The following ARB2A variants were observed in gnomAD, a reference collection of about 807,000 sequenced individuals.
ARB2A encodes the protein ARB2 cotranscriptional regulator A, also known as cotranscriptional regulator ARB2A.
the ARB2A span, among the ~76,000 whole-genome samples, chr5:93,786,426 CATT>C: frequency 6.6e-6 from 1 of 152,330 alleles, no homozygotes; most frequent in East Asian, 1.9e-4. Context: ...CACACTGTCA[CATT>C]ATAATCCAAT....
chr5:93,828,255 T>C, the ARB2A span, among the ~76,000 whole-genome samples: 1 of 152,220 alleles, frequency 6.6e-6, no homozygotes, highest in Non-Finnish European at 1.5e-5. Flanking sequence ...GTTTGTATCC[T>C]CTTTCATTTC....
chr5:93,724,013 G>A, the ARB2A span, among the ~76,000 whole-genome samples: 5 of 152,084 alleles, frequency 3.3e-5, no homozygotes, highest in Non-Finnish European at 5.9e-5. Flanking sequence ...ATAGCTTCAC[G>A]TATAAGAATT....
At chr5:93,987,683 C>A in the ARB2A span, among the ~76,000 whole-genome samples, 1 of 152,074 alleles carries the variant, frequency 6.6e-6, no homozygotes, top group Non-Finnish European at 1.5e-5. Context: ...ACTCTATATC[C>A]CCAGCTGTCC....
the ARB2A span, among the ~76,000 whole-genome samples, chr5:93,987,662 C>T: frequency 6.6e-6 from 1 of 152,150 alleles, no homozygotes; most frequent in East Asian, 1.9e-4. Context: ...ATTAGCATCC[C>T]CTAAGGTGTT....
chr5:93,948,702 G>A, the ARB2A span, among the ~76,000 whole-genome samples: 2 of 152,138 alleles, frequency 1.3e-5, no homozygotes, highest in Non-Finnish European at 2.9e-5. Context: ...TGTAAGGAAC[G>A]GGTCCAGTTT....
At chr5:94,049,813 C>A in the ARB2A span, among the ~76,000 whole-genome samples, 2 of 152,070 alleles carry the variant, frequency 1.3e-5, no homozygotes, top group South Asian at 4.2e-4. Flanking sequence ...AGAGCGAGAC[C>A]CTGTCTCAAA....
At chr5:93,698,008 G>T in the ARB2A span, among the ~76,000 whole-genome samples, 6 of 152,036 alleles carry the variant, frequency 3.9e-5, no homozygotes, top group Non-Finnish European at 1.5e-5. Flanking sequence ...TTAAAAAAAT[G>T]CAATACAGTC....
the ARB2A span, among the ~76,000 whole-genome samples, chr5:93,629,998 T>C: frequency 6.6e-6 from 1 of 152,158 alleles, no homozygotes; most frequent in Non-Finnish European, 1.5e-5. Context: ...CCATTGGGAT[T>C]AACTAATGAA....
At chr5:93,854,306 C>T in the ARB2A span, among the ~76,000 whole-genome samples, 38 of 152,072 alleles carry the variant, frequency 2.5e-4, no homozygotes, top group Non-Finnish European at 4.9e-4. Context: ...TGGTGGCATC[C>T]CCTTTATCAT....
the ARB2A span, among the ~76,000 whole-genome samples, chr5:93,993,130 T>C: frequency 6.6e-6 from 1 of 152,132 alleles, no homozygotes; most frequent in Non-Finnish European, 1.5e-5. Flanking sequence ...TGCCATTTTA[T>C]ATCATAGTAT....
chr5:93,714,250 TAGTATTATATGTG>T, the ARB2A span, among the ~76,000 whole-genome samples: 1 of 152,216 alleles, frequency 6.6e-6, no homozygotes, highest in Non-Finnish European at 1.5e-5. Flanking sequence ...ATTTATCCCA[TAGTATTATATGTG>T]GCTACTAAAT....
chr5:93,845,933 T>G, the ARB2A span, among the ~76,000 whole-genome samples: 9 of 152,136 alleles, frequency 5.9e-5, 1 homozygote, highest in Admixed American at 2.6e-4. Context: ...AATTAATGAT[T>G]AATTTAGCAA....
chr5:93,675,585 G>A, the ARB2A span, among the ~76,000 whole-genome samples: 1 of 152,190 alleles, frequency 6.6e-6, no homozygotes, highest in Admixed American at 6.5e-5. Flanking sequence ...AGTGCTTAGA[G>A]GTTGCCCACT....
At chr5:94,053,186 C>A in the ARB2A span, 1 of 1,598,204 alleles carries the variant, frequency 6.3e-7, no homozygotes, top group Non-Finnish European at 8.5e-7. Flanking sequence ...GGCGGTTCAT[C>A]TTTTTTCATT....
chr5:94,051,782 G>T, the ARB2A span, among the ~76,000 whole-genome samples: 1 of 152,038 alleles, frequency 6.6e-6, no homozygotes, highest in Non-Finnish European at 1.5e-5. Flanking sequence ...TATAGAAAAG[G>T]ACTCTCCTCA....
the ARB2A span, among the ~76,000 whole-genome samples, chr5:93,712,893 A>G: frequency 7.9e-5 from 12 of 152,178 alleles, no homozygotes; most frequent in African/African-American, 2.7e-4. Flanking sequence ...GAACCCAGAA[A>G]TAAACCCATA....
At chr5:94,038,806 T>C in the ARB2A span, among the ~76,000 whole-genome samples, 6 of 148,786 alleles carry the variant, frequency 4.0e-5, no homozygotes, top group Non-Finnish European at 7.4e-5. Flanking sequence ...AGTAGGAAAA[T>C]ACTAAAAAAA....
chr5:93,895,586 A>G, the ARB2A span, among the ~76,000 whole-genome samples: 10 of 152,284 alleles, frequency 6.6e-5, no homozygotes, highest in South Asian at 2.1e-3. Context: ...ATAGCACAAA[A>G]TCCATAAACT....
chr5:94,012,336 G>A, the ARB2A span, among the ~76,000 whole-genome samples: 28,348 of 152,140 alleles, frequency 0.19, 3,453 homozygotes, highest in Non-Finnish European at 0.26. Flanking sequence ...CGGGAGGCGG[G>A]GCTTGCAGTG....
Sources: gnomAD v4.1 joint callset for allele counts (sites outside exome capture counted in the v4.1 genomes callset) on GRCh38, gnomAD v4.1.1 for gene constraint, MANE v1.5 for transcripts, NCBI Gene and HGNC (gene_info 2026-07-23, HGNC 2026-07-21) for gene names.